IL1RAPL1: variants seen among roughly 807,000 people sequenced by gnomAD.
The protein encoded by IL1RAPL1 is interleukin 1 receptor accessory protein like 1, also known as interleukin-1 receptor accessory protein-like 1.
Under a neutral mutation model 48.4 loss-of-function variants are expected in IL1RAPL1, and 3 were observed. The observed-to-expected ratio is 0.06, with a 90% CI of 0.03 to 0.16. The LOEUF (loss-of-function observed/expected upper bound fraction) is 0.16. Ranked by LOEUF, IL1RAPL1 falls within the 10% of genes least tolerant of loss-of-function variation. The pLI is 1.00. For synonymous variants in IL1RAPL1, 185 were observed against 187.7 expected, an observed-to-expected ratio of 0.99 and a Z score of 0.12; for missense variants, 349 against 530.6, an observed-to-expected ratio of 0.66 and a Z score of 3.36.
At chrX:29,407,336 G>A (rs774202286) in intron 5 of IL1RAPL1, among the ~76,000 whole-genome samples, 1 of 111,871 alleles carries the variant, frequency 8.9e-6, no homozygotes, top group Admixed American at 9.5e-5. Flanking sequence ...ATGACAAAGC[G>A]ATATAGCTAC....
intron 2 of IL1RAPL1, among the ~76,000 whole-genome samples, chrX:28,986,680 A>G (rs4893600): frequency 0.21 from 23,648 of 111,485 alleles, 2,107 homozygotes; most frequent in South Asian, 0.45. Context: ...GTCGAAAATG[A>G]GTATTTTATA....
intron 2 of IL1RAPL1, among the ~76,000 whole-genome samples, chrX:29,178,973 G>C (rs1336060787): frequency 3.6e-5 from 4 of 111,974 alleles, no homozygotes; most frequent in Non-Finnish European, 7.5e-5. Context: ...TTTGATACCA[G>C]TACCATCCTG....
chrX:28,819,349 T>C (rs1199894553), intron 2 of IL1RAPL1, among the ~76,000 whole-genome samples: 2 of 111,405 alleles, frequency 1.8e-5, no homozygotes, highest in African/African-American at 6.5e-5. Context: ...TGGAGCAAGC[T>C]AATTAATTTA....
At chrX:29,775,447 A>G (rs886359954) in intron 6 of IL1RAPL1, among the ~76,000 whole-genome samples, 18 of 111,554 alleles carry the variant, frequency 1.6e-4, no homozygotes, top group Admixed American at 9.6e-5. Context: ...TGTGGAAGAA[A>G]CCCATCAGGT....
At chrX:29,082,123 A>G (rs780510547) in intron 2 of IL1RAPL1, among the ~76,000 whole-genome samples, 9 of 112,339 alleles carry the variant, frequency 8.0e-5, no homozygotes, top group Middle Eastern at 4.6e-3. Flanking sequence ...CATATTGCTA[A>G]CACAACCATT....
chrX:29,021,022 G>A (rs1036415105), intron 2 of IL1RAPL1, among the ~76,000 whole-genome samples: 2 of 109,597 alleles, frequency 1.8e-5, no homozygotes, highest in Non-Finnish European at 3.8e-5. Context: ...TCAGGAGATC[G>A]AGACCATCCT....
intron 5 of IL1RAPL1, among the ~76,000 whole-genome samples, chrX:29,434,731 C>T (rs1433324185): frequency 9.0e-6 from 1 of 110,568 alleles, no homozygotes. Context: ...TTCATTATAC[C>T]TTACAGAGTA....
At chrX:28,976,097 G>C (rs977857539) in intron 2 of IL1RAPL1, among the ~76,000 whole-genome samples, 20 of 112,354 alleles carry the variant, frequency 1.8e-4, no homozygotes, top group African/African-American at 6.4e-4. Context: ...AAGATTGATA[G>C]TTAATATGAG....
At chrX:29,748,500 C>A (rs1928386709) in intron 6 of IL1RAPL1, among the ~76,000 whole-genome samples, 1 of 112,638 alleles carries the variant, frequency 8.9e-6, no homozygotes, top group African/African-American at 3.2e-5. Flanking sequence ...TCACATTCTG[C>A]TTTAAGTGCT....
chrX:29,446,304 C>T (rs1472098972), intron 5 of IL1RAPL1, among the ~76,000 whole-genome samples: 1 of 111,042 alleles, frequency 9.0e-6, no homozygotes, highest in South Asian at 3.7e-4. Context: ...ATTACATCTG[C>T]GACAAAAAAC....
intron 2 of IL1RAPL1, among the ~76,000 whole-genome samples, chrX:29,181,492 A>AT (rs754393111): frequency 2.0e-4 from 22 of 111,964 alleles, no homozygotes; most frequent in Non-Finnish European, 3.2e-4. Flanking sequence ...TGTACTTTGA[A>AT]TACCTTGATC....
intron 5 of IL1RAPL1, among the ~76,000 whole-genome samples, chrX:29,399,829 A>C (rs1290770247): frequency 9.0e-6 from 1 of 111,146 alleles, no homozygotes; most frequent in African/African-American, 3.3e-5. Context: ...CAGAAAAAAA[A>C]AAAAAAAGAA....
chrX:29,205,390 A>T (rs779404369), intron 2 of IL1RAPL1, among the ~76,000 whole-genome samples: 9 of 112,216 alleles, frequency 8.0e-5, no homozygotes, highest in African/African-American at 2.9e-4. Flanking sequence ...ACATTCTGTG[A>T]GATTCTCCCA....
intron 3 of IL1RAPL1, among the ~76,000 whole-genome samples, chrX:29,305,565 C>T (rs944742178): frequency 1.6e-4 from 18 of 111,309 alleles, no homozygotes; most frequent in African/African-American, 5.9e-4. Context: ...TTCAAAAGAG[C>T]AGGATTGTGG....
chrX:29,541,899 C>T (rs1340943499), intron 5 of IL1RAPL1, among the ~76,000 whole-genome samples: 1 of 110,620 alleles, frequency 9.0e-6, no homozygotes, highest in Non-Finnish European at 1.9e-5. Flanking sequence ...GGTAACAAAC[C>T]CACACGTGTA....
chrX:28,974,518 T>C (rs1601989065), intron 2 of IL1RAPL1, among the ~76,000 whole-genome samples: 2 of 112,238 alleles, frequency 1.8e-5, no homozygotes, highest in Admixed American at 9.5e-5. Flanking sequence ...TAATCTGATA[T>C]GCATAAATCT....
intron 5 of IL1RAPL1, among the ~76,000 whole-genome samples, chrX:29,458,946 C>A (rs1445909975): frequency 2.7e-5 from 3 of 111,907 alleles, no homozygotes; most frequent in Non-Finnish European, 5.6e-5. Flanking sequence ...CATTCTGTCA[C>A]AACTATTCAC....
intron 3 of IL1RAPL1, among the ~76,000 whole-genome samples, chrX:29,352,629 T>G (rs1933247322): frequency 1.0e-5 from 1 of 96,748 alleles, no homozygotes; most frequent in South Asian, 5.4e-4. Flanking sequence ...TCCCCATCTC[T>G]TTAGCCTCCT....
chrX:29,413,628 G>C (rs749537780), intron 5 of IL1RAPL1, among the ~76,000 whole-genome samples: 2 of 107,840 alleles, frequency 1.9e-5, no homozygotes, highest in South Asian at 8.3e-4. Context: ...CCTTGTGATA[G>C]TTTGCTGAGA....
Sources: allele counts gnomAD v4.1 joint callset (sites outside exome capture counted in the v4.1 genomes callset), GRCh38; gene constraint gnomAD v4.1.1; transcripts MANE v1.5; gene names NCBI Gene and HGNC (gene_info 2026-07-23, HGNC 2026-07-21).